The following DNAAF9 variants were observed in gnomAD, a reference collection of about 807,000 sequenced individuals.
The protein encoded by DNAAF9 is shulin.
Under a neutral mutation model 167.0 loss-of-function variants are expected in DNAAF9, and 90 were observed. The ratio of observed to expected loss-of-function variants is 0.54; its 90% confidence interval spans 0.45 to 0.64. The LOEUF (loss-of-function observed/expected upper bound fraction) is 0.64, where lower values mean the gene tolerates loss of function less well. Among genes scored for constraint, DNAAF9 ranks in the 30% least tolerant of loss-of-function variants. The pLI is 0.00. For missense variants in DNAAF9, 1,315 were observed against 1,442.2 expected, an observed-to-expected ratio of 0.91 and a Z score of 1.43; for synonymous variants, 491 against 508.8, an observed-to-expected ratio of 0.96 and a Z score of 0.47.
chr20:3,341,037 G>C (rs2070074556), intron 9 of DNAAF9, among the ~76,000 whole-genome samples: 2 of 152,036 alleles, frequency 1.3e-5, no homozygotes, highest in Admixed American at 1.3e-4. Flanking sequence ...CAGACAATAG[G>C]GCAGTCACCA....
chr20:3,367,672 C>T (rs1296427503), intron 6 of DNAAF9, among the ~76,000 whole-genome samples: 8 of 152,154 alleles, frequency 5.3e-5, no homozygotes, highest in Non-Finnish European at 8.8e-5. Context: ...AGAACACACA[C>T]ATCATTTAAG....
chr20:3,336,631 C>T lies in DNAAF9; in HGVS notation c.981+3873G>A, dbSNP rs9753761. Among the ~76,000 whole-genome samples the T allele has an allele frequency of 6.5e-3, 996 of 152,160 alleles. 9 individuals are homozygous for T. The highest frequency in any genetic ancestry group is 0.023 in the African/African-American group (953 of 41,494). On this transcript the variant is annotated intron_variant, in intron 10 of 36. Coordinates refer to ENST00000252032, the MANE Select transcript of DNAAF9 (RefSeq NM_001009984.3). ...ATGGTGCAACCTTGGCTCACTGCAG[C>T]CTCTGCCACCCAGGTTCAAGTGATT...
intron 29 of DNAAF9, among the ~76,000 whole-genome samples, chr20:3,271,929 A>G (rs1177086094): frequency 1.3e-5 from 2 of 152,010 alleles, no homozygotes; most frequent in Non-Finnish European, 2.9e-5. Context: ...GTACTTCTTA[A>G]TATCGTAGAA....
intron 1 of DNAAF9, among the ~76,000 whole-genome samples, chr20:3,400,225 A>G (rs2123302824): frequency 6.6e-6 from 1 of 152,300 alleles, no homozygotes; most frequent in African/African-American, 2.4e-5. Context: ...TTATTTGACC[A>G]TTAAAAACAT....
At chr20:3,253,923 G>T in intron 35 of DNAAF9, 104 bp from the exon 36 acceptor site, 1 of 702,120 alleles carries the variant, frequency 1.4e-6, no homozygotes, top group Non-Finnish European at 2.5e-6. Flanking sequence ...AGACTACTCT[G>T]CTATACAGAG....
chr20:3,274,159 T>TAAAAAAAC (rs1600687518), intron 29 of DNAAF9, among the ~76,000 whole-genome samples: 1 of 152,236 alleles, frequency 6.6e-6, no homozygotes, highest in East Asian at 1.9e-4. Flanking sequence ...TTTATTTTTT[T>TAAAAAAAC]TGAGACAGAG....
intron 1 of DNAAF9, among the ~76,000 whole-genome samples, chr20:3,399,014 A>G (rs1054423495): frequency 3.9e-5 from 6 of 152,192 alleles, no homozygotes; most frequent in Non-Finnish European, 8.8e-5. Flanking sequence ...GGACAAACAC[A>G]CACATATGAT....
At position 3,315,076 on chromosome 20, in the gene DNAAF9, T is replaced by A; in HGVS notation, c.1635A>T (p.Gly545=). The A allele has an allele frequency of 6.2e-7, 1 of 1,611,832 alleles. No individual in the cohort carries two copies. The highest frequency in any genetic ancestry group is 1.1e-5 in the South Asian group (1 of 91,032). Residue 545 remains glycine (G), a synonymous_variant, in exon 20 of 37, where the codon GGA becomes GGT. Transcript: ENST00000252032. The surrounding 1 kb of genome is among the most constrained non-coding windows in gnomAD (Gnocchi z 4.1). ...GTAGATTGCTGGAATAAAGATATGCTCCTTCTCCTCCTGTTAGATAAGTGC... is the reference window on the plus strand; with the variant it reads ...GTAGATTGCTGGAATAAAGATATGCACCTTCTCCTCCTGTTAGATAAGTGC... The part of the protein sequence containing the change: ...FLGTYLTGGE[G]AYLYSSNLQS...
intron 16 of DNAAF9, among the ~76,000 whole-genome samples, chr20:3,321,034 C>A (rs914241769): frequency 6.6e-6 from 1 of 152,166 alleles, no homozygotes; most frequent in African/African-American, 2.4e-5. Context: ...GAACAACTGG[C>A]CTAGAAACTC....
At position 3,257,764 on chromosome 20, in the gene DNAAF9, G is replaced by A. The variant is rs552962586; in HGVS notation, c.3056-1553C>T. Reference sequence around the variant, plus strand: ...TTGTTGCCCAAGCTGGAGTGCAGTGGTACAATCTTGGCTCACTACAACCTC... The same window carrying A: ...TTGTTGCCCAAGCTGGAGTGCAGTGATACAATCTTGGCTCACTACAACCTC... On this transcript the variant is annotated intron_variant, in intron 33 of 36. Coordinates refer to ENST00000252032, the MANE Select transcript of DNAAF9 (RefSeq NM_001009984.3). Among the ~76,000 whole-genome samples the A allele has an allele frequency of 1.6e-3, 243 of 152,114 alleles. 1 individual carries two copies. Among genetic ancestry groups the A allele is most frequent in the Non-Finnish European group, 2.6e-3 (179 of 67,988 alleles).
chr20:3,317,164 G>GT (rs751579126), intron 17 of DNAAF9, among the ~76,000 whole-genome samples: 50 of 151,516 alleles, frequency 3.3e-4, no homozygotes, highest in Non-Finnish European at 6.3e-4. Flanking sequence ...CAAAGTGTTG[G>GT]GATTGCAGGC....
intron 20 of DNAAF9, among the ~76,000 whole-genome samples, chr20:3,309,107 G>A (rs2069357149): frequency 2.0e-5 from 3 of 152,058 alleles, no homozygotes. Context: ...TTCTTCAGGA[G>A]TATCTTGGCT....
chr20:3,280,218 C>G (rs1029731420), intron 28 of DNAAF9, among the ~76,000 whole-genome samples: 1 of 152,214 alleles, frequency 6.6e-6, no homozygotes, highest in Non-Finnish European at 1.5e-5. Flanking sequence ...ACTGACTTCA[C>G]TGTGCTCACA....
chr20:3,271,411 A>G (rs1372688022), intron 29 of DNAAF9, among the ~76,000 whole-genome samples: 2 of 152,154 alleles, frequency 1.3e-5, no homozygotes, highest in African/African-American at 4.8e-5. Flanking sequence ...AGGGTGGGCC[A>G]TGATCACTCC....
At chr20:3,374,429 AGAG>A (rs1304587615) in intron 5 of DNAAF9, among the ~76,000 whole-genome samples, 1 of 152,252 alleles carries the variant, frequency 6.6e-6, no homozygotes, top group Non-Finnish European at 1.5e-5. Context: ...GTAAAAAATA[AGAG>A]TAGTCTATTA....
Position 3,253,772 on chromosome 20 carries a change from G to A in DNAAF9, c.3375C>T (p.Gly1125=). 2 of 1,613,120 alleles carry A rather than the reference G, an allele frequency of 1.2e-6. No individual in the cohort carries two copies. Among genetic ancestry groups the A allele is most frequent in the Non-Finnish European group, 8.5e-7 (1 of 1,179,100 alleles). Residue 1125 remains glycine (G), a synonymous_variant, in exon 36 of 37, where the codon GGC becomes GGT. Transcript: ENST00000252032. The part of the protein sequence containing the change: ...EPLPAGYFYN[G]TQFVNFFGDK... ...CACCAAAGAAGTTAACAAATTGGGT[G>A]CCATTATAAAAGTAGCCTGCAGGTA... is the stretch of plus-strand genomic sequence containing the variant.
At chr20:3,396,445 G>C (rs756225623) in intron 1 of DNAAF9, among the ~76,000 whole-genome samples, 1 of 152,090 alleles carries the variant, frequency 6.6e-6, no homozygotes, top group Non-Finnish European at 1.5e-5. Context: ...ATAAATGAAA[G>C]GACAAAAAAT....
chr20:3,278,150 GGGCACTGCAA>G (rs2068703395), intron 29 of DNAAF9, among the ~76,000 whole-genome samples: 1 of 152,164 alleles, frequency 6.6e-6, no homozygotes, highest in South Asian at 2.1e-4. Flanking sequence ...TCAGGTAGTA[GGGCACTGCAA>G]GGTTGAATGC....
At chr20:3,319,172 AGGATT>A (rs1442577695) in intron 16 of DNAAF9, among the ~76,000 whole-genome samples, 2 of 138,702 alleles carry the variant, frequency 1.4e-5, no homozygotes, top group Non-Finnish European at 3.1e-5. Context: ...CTAAGGCAGG[AGGATT>A]GTTTGAGCCC....
Sources: gnomAD v4.1 joint callset for allele counts (sites outside exome capture counted in the v4.1 genomes callset) on GRCh38, gnomAD v4.1.1 for gene constraint, Gnocchi (gnomAD v3.1) non-coding constraint, MANE v1.5 for transcripts, NCBI Gene and HGNC (gene_info 2026-07-23, HGNC 2026-07-21) for gene names.